NGEF: variants seen among roughly 807,000 people sequenced by gnomAD.
The protein encoded by NGEF is ephexin-1.
NGEF carries 31 observed loss-of-function variants against 80.9 expected under a neutral mutation model. That is an observed-to-expected ratio of 0.38 (90% CI 0.29 to 0.52). NGEF has a LOEUF of 0.52. Ranked by LOEUF, NGEF falls within the 20% of genes least tolerant of loss-of-function variation. NGEF has a pLI of 0.84. For missense variants in NGEF, 709 were observed against 926.2 expected, an observed-to-expected ratio of 0.77 and a Z score of 3.04; for synonymous variants, 371 against 370.2, an observed-to-expected ratio of 1.00 and a Z score of -0.03.
At chr2:232,992,005 G>C (rs1694660240) in intron 1 of NGEF, among the ~76,000 whole-genome samples, 1 of 152,126 alleles carries the variant, frequency 6.6e-6, no homozygotes, top group Non-Finnish European at 1.5e-5. Context: ...AAATAGTGCT[G>C]GGACAACTGG....
Position 232,879,428 on chromosome 2 carries a change from C to CCG in NGEF, c.*60_*61insCG, listed in dbSNP as rs1553543011. ...GGCCTGTGCTTCCCAGAGCCCCCCC[C>CCG]CCCCCACCTTCTGTCGGGGTCTCAT... On this transcript the variant is annotated 3_prime_UTR_variant, in exon 15 of 15. Transcript: ENST00000264051. 3.5e-6 allele frequency: 5 copies of CCG among 1,442,434 alleles called. No homozygotes were observed. The South Asian group carries it at 4.0e-5, about 12-fold the overall frequency. The allele number at this position is 1,442,434 out of a possible 1,614,324, so 89.4% of individuals were successfully genotyped here. A position where few individuals can be genotyped will look rare whatever the true frequency, so the allele number is the denominator to read the frequency against.
intron 3 of NGEF, among the ~76,000 whole-genome samples, chr2:232,953,463 TA>T (rs779074700): frequency 4.6e-4 from 61 of 131,778 alleles, no homozygotes; most frequent in Non-Finnish European, 5.6e-4. Flanking sequence ...GCTCAAAAAA[TA>T]AAAAAAAAAG....
intron 3 of NGEF, among the ~76,000 whole-genome samples, chr2:232,927,554 AC>A (rs1270370392): frequency 6.6e-6 from 1 of 150,902 alleles, no homozygotes; most frequent in Non-Finnish European, 1.5e-5. Flanking sequence ...CCGTCACTCG[AC>A]CCCCGGCCCC....
At chr2:232,997,881 T>C (rs6437083) in intron 1 of NGEF, among the ~76,000 whole-genome samples, 130,000 of 152,164 alleles carry the variant, frequency 0.85, 55,627 homozygotes, top group East Asian at 0.99. Context: ...TCACCGAGCG[T>C]TACCAGCAGG....
At chr2:232,959,383 A>G (rs1015421653) in intron 3 of NGEF, among the ~76,000 whole-genome samples, 5 of 152,210 alleles carry the variant, frequency 3.3e-5, no homozygotes, top group African/African-American at 1.2e-4. Flanking sequence ...AGACACTCTC[A>G]CAGAACAACC....
At chr2:232,993,017 A>ACACACG (rs1553559398) in intron 1 of NGEF, among the ~76,000 whole-genome samples, 1 of 144,528 alleles carries the variant, frequency 6.9e-6, no homozygotes, top group Non-Finnish European at 1.5e-5. Context: ...ACACACACAC[A>ACACACG]CACGCACATA....
intron 3 of NGEF, among the ~76,000 whole-genome samples, chr2:232,964,642 T>C (rs1694021392): frequency 6.6e-6 from 1 of 152,132 alleles, no homozygotes; most frequent in Admixed American, 6.6e-5. Flanking sequence ...GAACTGAGAT[T>C]TTGCCACTGT....
intron 3 of NGEF, among the ~76,000 whole-genome samples, chr2:232,957,930 T>A (rs1005423493): frequency 2.0e-5 from 3 of 152,212 alleles, no homozygotes; most frequent in African/African-American, 7.2e-5. Context: ...CAAAAGTATA[T>A]GAAATTAGCT....
At chr2:232,962,610 A>C (rs529083950) in intron 3 of NGEF, among the ~76,000 whole-genome samples, 4 of 152,112 alleles carry the variant, frequency 2.6e-5, no homozygotes, top group African/African-American at 9.7e-5. Flanking sequence ...TGCAAAAATT[A>C]ATTTTATTTT....
chr2:232,996,797 G>A (rs148607256), intron 1 of NGEF, among the ~76,000 whole-genome samples: 4 of 151,446 alleles, frequency 2.6e-5, no homozygotes, highest in Admixed American at 2.0e-4. Flanking sequence ...GCCTGGCATC[G>A]TTTACCCTTT....
At chr2:232,886,417 C>T (rs888391316) in intron 9 of NGEF, among the ~76,000 whole-genome samples, 24 of 151,010 alleles carry the variant, frequency 1.6e-4, no homozygotes, top group African/African-American at 3.9e-4. Context: ...GTGCGTGTGC[C>T]GTGTGTGCAG....
chr2:232,932,842 A>G (rs1377373190), intron 3 of NGEF, among the ~76,000 whole-genome samples: 6 of 151,846 alleles, frequency 4.0e-5, no homozygotes, highest in African/African-American at 1.5e-4. Context: ...GGTGGCTCAC[A>G]CCTTTAATCC....
At chr2:232,893,632 G>A (rs938628140) in intron 6 of NGEF, among the ~76,000 whole-genome samples, 20 of 152,058 alleles carry the variant, frequency 1.3e-4, no homozygotes, top group African/African-American at 4.3e-4. Context: ...AAAATTAGCC[G>A]AGTGTGGTGG....
chr2:232,976,469 T>C (rs1467364791), intron 1 of NGEF, among the ~76,000 whole-genome samples: 4 of 151,910 alleles, frequency 2.6e-5, no homozygotes, highest in African/African-American at 4.8e-5. Flanking sequence ...AGTCAGGAGG[T>C]TGGGTTTCCC....
chr2:232,902,403 G>T (rs530984112), intron 5 of NGEF, among the ~76,000 whole-genome samples: 17 of 152,320 alleles, frequency 1.1e-4, no homozygotes, highest in South Asian at 6.2e-4. Context: ...GGTCCCGTGA[G>T]CAGCGTGGGG....
chr2:232,975,875 C>T (rs1448640059), intron 1 of NGEF, among the ~76,000 whole-genome samples: 1 of 152,102 alleles, frequency 6.6e-6, no homozygotes, highest in South Asian at 2.1e-4. Flanking sequence ...ATACATTTTT[C>T]TGGCCTATCG....
At chr2:232,897,220 A>G (rs1692127025) in intron 5 of NGEF, among the ~76,000 whole-genome samples, 2 of 151,746 alleles carry the variant, frequency 1.3e-5, no homozygotes, top group Admixed American at 6.6e-5. Flanking sequence ...TTCTCCACTC[A>G]TCAGAGCCCT....
At chr2:232,900,307 C>T (rs1236677214) in intron 5 of NGEF, among the ~76,000 whole-genome samples, 1 of 107,878 alleles carries the variant, frequency 9.3e-6, no homozygotes, top group Non-Finnish European at 1.8e-5. Flanking sequence ...CTCATATACA[C>T]GTTCACTCAC....
chr2:232,917,298 A>G (rs546076598), intron 5 of NGEF, among the ~76,000 whole-genome samples: 46 of 152,344 alleles, frequency 3.0e-4, no homozygotes, highest in African/African-American at 1.1e-3. Flanking sequence ...TCTAAACTCC[A>G]AAATTAGATG....
Sources: gnomAD v4.1 joint callset for allele counts (sites outside exome capture counted in the v4.1 genomes callset) on GRCh38, gnomAD v4.1.1 for gene constraint, MANE v1.5 for transcripts, NCBI Gene and HGNC (gene_info 2026-07-23, HGNC 2026-07-21) for gene names.